The following PLCH1 variants were observed in gnomAD, a reference collection of about 807,000 sequenced individuals.
PLCH1 encodes 1-phosphatidylinositol 4,5-bisphosphate phosphodiesterase eta-1.
A neutral mutation model predicts 126.7 loss-of-function variants in PLCH1; 60 were observed. That is an observed-to-expected ratio of 0.47 (90% CI 0.38 to 0.59). The LOEUF (loss-of-function observed/expected upper bound fraction) is 0.59, where lower values mean the gene tolerates loss of function less well. Ranked by LOEUF, PLCH1 falls within the 20% of genes least tolerant of loss-of-function variation. The probability of loss-of-function intolerance (pLI) is 0.00; values close to 1 mark genes in which losing one functional copy is unlikely to be tolerated. For synonymous variants in PLCH1, 719 were observed against 734.9 expected, an observed-to-expected ratio of 0.98 and a Z score of 0.35; for missense variants, 1,723 against 2,040.0, an observed-to-expected ratio of 0.84 and a Z score of 2.99.
chr3:155,597,898 A>C (rs1017904000), intron 2 of PLCH1, among the ~76,000 whole-genome samples: 15 of 152,122 alleles, frequency 9.9e-5, no homozygotes, highest in Admixed American at 2.0e-4. Context: ...ATATTACTTA[A>C]GAAGGCTGGG....
At chr3:155,464,141 G>T (rs1712840450) in intron 21 of PLCH1, among the ~76,000 whole-genome samples, 1 of 152,202 alleles carries the variant, frequency 6.6e-6, no homozygotes, top group Non-Finnish European at 1.5e-5. Flanking sequence ...ATGGGTTGGA[G>T]ACAATAAAGG....
At chr3:155,740,337 G>C (rs1471951832) in intron 1 of PLCH1, among the ~76,000 whole-genome samples, 2 of 151,200 alleles carry the variant, frequency 1.3e-5, no homozygotes, top group Non-Finnish European at 2.9e-5. Context: ...CTTGAACCCA[G>C]GAGGTAGAGG....
chr3:155,510,280 G>T (rs1467747687), intron 12 of PLCH1, among the ~76,000 whole-genome samples: 1 of 101,794 alleles, frequency 9.8e-6, no homozygotes, highest in African/African-American at 5.0e-5. Context: ...CCTGAATACA[G>T]CACACTGATG....
intron 12 of PLCH1, among the ~76,000 whole-genome samples, chr3:155,505,298 C>T (rs1457272435): frequency 6.6e-6 from 1 of 152,116 alleles, no homozygotes; most frequent in Non-Finnish European, 1.5e-5. Flanking sequence ...AGATACTGGG[C>T]CAACTCTCTT....
At chr3:155,711,570 C>A (rs1301776927) in intron 1 of PLCH1, among the ~76,000 whole-genome samples, 2 of 152,200 alleles carry the variant, frequency 1.3e-5, no homozygotes, top group Non-Finnish European at 1.5e-5. Context: ...GAAAACTCCA[C>A]CACAGTGGAC....
chr3:155,652,980 A>C (rs1390699175), intron 2 of PLCH1, among the ~76,000 whole-genome samples: 1 of 152,140 alleles, frequency 6.6e-6, no homozygotes, highest in Non-Finnish European at 1.5e-5. Context: ...CTAATTATAC[A>C]ATGCCACTAA....
intron 6 of PLCH1, among the ~76,000 whole-genome samples, chr3:155,581,805 G>A (rs976240559): frequency 6.8e-6 from 1 of 147,662 alleles, no homozygotes. Context: ...GCAGTGCAAT[G>A]ACGCTATCTC....
rs534030586 is a variant in PLCH1 at position 155,553,202 on chromosome 3, C to T, written c.1190+874G>A. ...CAATCTCAGCTCACTACAACCTCCA[C>T]CTTCTGGGTTCAAGCAAATCTCATG... On this transcript the variant is annotated intron_variant, in intron 9 of 22. Transcript: ENST00000460012. 1.3e-4 allele frequency among the ~76,000 whole-genome samples: 20 copies of T among 152,318 alleles called. No individual in the cohort carries two copies. The East Asian group carries it at 3.7e-3, about 28-fold the overall frequency.
chr3:155,509,338 T>C (rs1356124849), intron 12 of PLCH1, among the ~76,000 whole-genome samples: 2 of 96,734 alleles, frequency 2.1e-5, no homozygotes, highest in East Asian at 5.2e-4. Context: ...GAAGGGTTTT[T>C]TGTGTCTCTA....
intron 12 of PLCH1, among the ~76,000 whole-genome samples, chr3:155,509,062 T>G (rs1719089463): frequency 7.2e-6 from 1 of 139,318 alleles, no homozygotes; most frequent in East Asian, 1.9e-4. Context: ...GAGATTCAAC[T>G]TCTTCCTGTT....
At chr3:155,727,137 A>T (rs1177461294) in intron 1 of PLCH1, among the ~76,000 whole-genome samples, 2 of 151,688 alleles carry the variant, frequency 1.3e-5, no homozygotes, top group Non-Finnish European at 2.9e-5. Context: ...GTTATTTTTT[A>T]AATGAGCTTG....
At chr3:155,512,831 A>G (rs1257808606) in intron 12 of PLCH1, among the ~76,000 whole-genome samples, 2 of 152,216 alleles carry the variant, frequency 1.3e-5, no homozygotes, top group Non-Finnish European at 2.9e-5. Flanking sequence ...CCAGATGCAC[A>G]TTTCTGAACT....
At chr3:155,741,684 CTTTTTTTT>C (rs71624571) in intron 1 of PLCH1, among the ~76,000 whole-genome samples, 1 of 102,868 alleles carries the variant, frequency 9.7e-6, no homozygotes, top group East Asian at 2.8e-4. Flanking sequence ...TTTATATCCT[CTTTTTTTT>C]TTTTTTTTTT....
chr3:155,542,869 A>G (rs1560138188), intron 10 of PLCH1, among the ~76,000 whole-genome samples: 1 of 152,158 alleles, frequency 6.6e-6, no homozygotes, highest in Non-Finnish European at 1.5e-5. Context: ...AAGGACATCC[A>G]CACCAAAAAC....
chr3:155,624,081 C>G (rs915718666), intron 2 of PLCH1, among the ~76,000 whole-genome samples: 1 of 152,126 alleles, frequency 6.6e-6, no homozygotes, highest in African/African-American at 2.4e-5. Flanking sequence ...CCCTGGGATG[C>G]AAGGCTGGTT....
intron 2 of PLCH1, among the ~76,000 whole-genome samples, chr3:155,639,588 A>C (rs2108848475): frequency 6.6e-6 from 1 of 152,306 alleles, no homozygotes; most frequent in African/African-American, 2.4e-5. Context: ...GAGTGGGCTA[A>C]GGGGAGCAAC....
intron 21 of PLCH1, among the ~76,000 whole-genome samples, chr3:155,472,305 C>T (rs1046035400): frequency 1.7e-4 from 26 of 152,190 alleles, no homozygotes; most frequent in African/African-American, 6.0e-4. Context: ...AACAACTCTA[C>T]ACAAATAAAC....
chr3:155,537,202 C>CAAAAAAAAAAAAA lies in PLCH1; in HGVS notation c.1362+12572_1362+12584dup, dbSNP rs535908017. Reference sequence around the variant, plus strand: ...CTAGCACTACAAAAAAAAAAAAAACCAAAAAAAAAAAAAAAAAAAAAAAAA... The same window carrying CAAAAAAAAAAAAA: ...CTAGCACTACAAAAAAAAAAAAAACCAAAAAAAAAAAAAAAAAAAAAAAAAAAAAAAAAAAAAA... On this transcript the variant is annotated intron_variant, in intron 10 of 22. Transcript: ENST00000460012. 4.0e-3 allele frequency among the ~76,000 whole-genome samples: 41 copies of CAAAAAAAAAAAAA among 10,378 alleles called. 3 individuals are homozygous for CAAAAAAAAAAAAA. Among genetic ancestry groups the CAAAAAAAAAAAAA allele is most frequent in the East Asian group, 9.6e-3 (8 of 836 alleles). The allele number at this position is 10,378 out of a possible 152,430, so 6.8% of individuals were successfully genotyped here. A position where few individuals can be genotyped will look rare whatever the true frequency, so the allele number is the denominator to read the frequency against.
chr3:155,635,637 TAC>T (rs1486619461), intron 2 of PLCH1, among the ~76,000 whole-genome samples: 1 of 152,254 alleles, frequency 6.6e-6, no homozygotes. Flanking sequence ...GAGCAAATCC[TAC>T]AGAGATCAGT....
Sources: allele counts gnomAD v4.1 joint callset (sites outside exome capture counted in the v4.1 genomes callset), GRCh38; gene constraint gnomAD v4.1.1; transcripts MANE v1.5; gene names NCBI Gene and HGNC (gene_info 2026-07-23, HGNC 2026-07-21).